IMMP2L: variants seen among roughly 807,000 people sequenced by gnomAD.
IMMP2L encodes the protein inner mitochondrial membrane peptidase subunit 2.
In IMMP2L, 18 loss-of-function variants were observed where a neutral mutation model predicts 19.3. The ratio of observed to expected loss-of-function variants is 0.93; its 90% CI spans 0.64 to 1.38. The LOEUF (loss-of-function observed/expected upper bound fraction) is 1.38. Ranked by LOEUF, IMMP2L falls within the 40% of genes most tolerant of loss-of-function variation. IMMP2L has a pLI of 0.00. For missense variants in IMMP2L, 233 were observed against 218.2 expected (o/e 1.07, Z -0.43); for synonymous variants, 76 against 73.0 (o/e 1.04, Z -0.21).
intron 5 of IMMP2L, among the ~76,000 whole-genome samples, chr7:110,841,982 A>C (rs895795338): frequency 9.9e-5 from 15 of 152,166 alleles, no homozygotes; most frequent in African/African-American, 3.4e-4. Context: ...GTACAGCCTC[A>C]AGTGATACAT....
chr7:111,018,337 T>C (rs752654769), intron 3 of IMMP2L, among the ~76,000 whole-genome samples: 2 of 152,152 alleles, frequency 1.3e-5, no homozygotes, highest in Non-Finnish European at 2.9e-5. Context: ...TTAATACTGA[T>C]TGCAAATTGT....
chr7:110,917,705 C>A (rs1040861235), intron 4 of IMMP2L, among the ~76,000 whole-genome samples: 2 of 152,102 alleles, frequency 1.3e-5, no homozygotes, highest in African/African-American at 4.8e-5. Context: ...ACAAGGTGGA[C>A]GGGTCTCTTC....
intron 3 of IMMP2L, among the ~76,000 whole-genome samples, chr7:111,226,091 A>G (rs559402654): frequency 1.3e-5 from 2 of 152,080 alleles, no homozygotes; most frequent in South Asian, 4.2e-4. Context: ...GCCTAAAATC[A>G]TACCTCTTCT....
At chr7:111,448,477 G>A (rs1838763534) in intron 3 of IMMP2L, among the ~76,000 whole-genome samples, 1 of 147,032 alleles carries the variant, frequency 6.8e-6, no homozygotes, top group Non-Finnish European at 1.5e-5. Flanking sequence ...ATAACGAAAT[G>A]AAGGCAGAAA....
intron 3 of IMMP2L, among the ~76,000 whole-genome samples, chr7:111,373,239 A>G (rs1830404444): frequency 6.6e-6 from 1 of 152,074 alleles, no homozygotes; most frequent in Non-Finnish European, 1.5e-5. Context: ...TAAGTTTTCT[A>G]TGAAAAGGAA....
At chr7:111,137,556 G>C (rs1802468547) in intron 3 of IMMP2L, among the ~76,000 whole-genome samples, 1 of 152,024 alleles carries the variant, frequency 6.6e-6, no homozygotes. Context: ...AATCAAGCTT[G>C]ATAAGCCAAG....
At chr7:111,068,081 T>C (rs954711251) in intron 3 of IMMP2L, among the ~76,000 whole-genome samples, 3 of 152,128 alleles carry the variant, frequency 2.0e-5, no homozygotes, top group Admixed American at 1.3e-4. Context: ...TAAACCATTT[T>C]GCACTGTAGA....
intron 3 of IMMP2L, among the ~76,000 whole-genome samples, chr7:110,995,015 T>C (rs1045443952): frequency 1.8e-4 from 27 of 152,068 alleles, no homozygotes; most frequent in African/African-American, 6.0e-4. Flanking sequence ...TCAAGGCACA[T>C]TGAAAATTAG....
chr7:111,232,012 C>T (rs1417318619), intron 3 of IMMP2L, among the ~76,000 whole-genome samples: 1 of 151,894 alleles, frequency 6.6e-6, no homozygotes, highest in African/African-American at 2.4e-5. Context: ...AACAAAATTA[C>T]TTTCATACAT....
At chr7:110,832,864 T>C (rs1364528502) in intron 5 of IMMP2L, among the ~76,000 whole-genome samples, 2 of 152,158 alleles carry the variant, frequency 1.3e-5, no homozygotes, top group African/African-American at 4.8e-5. Context: ...TGATGAGTTT[T>C]TCTAATTCTG....
At chr7:110,739,265 G>T (rs1404888594) in intron 5 of IMMP2L, among the ~76,000 whole-genome samples, 1 of 152,086 alleles carries the variant, frequency 6.6e-6, no homozygotes, top group Non-Finnish European at 1.5e-5. Flanking sequence ...AAAAGATACA[G>T]AATGGCAGAA....
intron 3 of IMMP2L, among the ~76,000 whole-genome samples, chr7:111,430,177 G>A (rs1187630694): frequency 6.6e-6 from 1 of 151,736 alleles, no homozygotes; most frequent in Non-Finnish European, 1.5e-5. Context: ...ATTGGGAAAA[G>A]AGCAAAATTA....
chr7:110,861,585 C>T (rs533015771), intron 5 of IMMP2L, among the ~76,000 whole-genome samples: 12 of 151,736 alleles, frequency 7.9e-5, no homozygotes, highest in Non-Finnish European at 1.3e-4. Context: ...TTTTTTAATC[C>T]GGAAAGGTTT....
At chr7:111,403,252 C>T (rs1786629504) in intron 3 of IMMP2L, among the ~76,000 whole-genome samples, 1 of 151,478 alleles carries the variant, frequency 6.6e-6, no homozygotes, top group Admixed American at 6.6e-5. Flanking sequence ...TTTAATAGGT[C>T]CTCCCCCCTC....
chr7:111,240,644 G>A lies in IMMP2L; in HGVS notation c.239+246594C>T, dbSNP rs147574277. Among the ~76,000 whole-genome samples, 212 of 151,980 alleles carry A rather than the reference G, an allele frequency of 1.4e-3. 2 individuals carry two copies. The highest frequency in any genetic ancestry group is 4.9e-3 in the African/African-American group (204 of 41,498). ...GACAGTCCCATTACTTCATGTTAGG[G>A]ACAGTCCCATTTTCTTTTAACAGAT... On this transcript the variant is annotated intron_variant, in intron 3 of 5. Coordinates refer to ENST00000405709, the MANE Select transcript of IMMP2L (RefSeq NM_032549.4).
chr7:111,436,063 G>C (rs1185627963), intron 3 of IMMP2L, among the ~76,000 whole-genome samples: 1 of 151,716 alleles, frequency 6.6e-6, no homozygotes, highest in Non-Finnish European at 1.5e-5. Context: ...CAATTAGATG[G>C]CACTATGTTT....
chr7:111,182,990 A>C (rs1807877391), intron 3 of IMMP2L, among the ~76,000 whole-genome samples: 1 of 152,084 alleles, frequency 6.6e-6, no homozygotes, highest in Non-Finnish European at 1.5e-5. Context: ...AGATTGCATA[A>C]GCTTTTATAT....
chr7:110,755,771 C>A (rs1465476098), intron 5 of IMMP2L, among the ~76,000 whole-genome samples: 50 of 151,964 alleles, frequency 3.3e-4, no homozygotes. Context: ...ACAAGCATAC[C>A]TGGTAGGTGC....
At chr7:111,501,426 C>G (rs1479238065) in intron 2 of IMMP2L, among the ~76,000 whole-genome samples, 1 of 152,110 alleles carries the variant, frequency 6.6e-6, no homozygotes, top group African/African-American at 2.4e-5. Flanking sequence ...AGAACTTCCC[C>G]AGTCTAGCAA....
Sources: gnomAD v4.1 joint callset for allele counts (sites outside exome capture counted in the v4.1 genomes callset) on GRCh38, gnomAD v4.1.1 for gene constraint, MANE v1.5 for transcripts, NCBI Gene and HGNC (gene_info 2026-07-23, HGNC 2026-07-21) for gene names.